MYBPC1: variants seen among roughly 807,000 people sequenced by gnomAD.
The protein encoded by MYBPC1 is myosin-binding protein C, slow-type.
In MYBPC1, 52 loss-of-function variants were observed where a neutral mutation model predicts 147.1. The ratio of observed to expected loss-of-function variants is 0.35; its 90% CI spans 0.28 to 0.45. The LOEUF (loss-of-function observed/expected upper bound fraction) is 0.45, where lower values mean the gene tolerates loss of function less well. Ranked by LOEUF, MYBPC1 falls within the 20% of genes least tolerant of loss-of-function variation. The probability of loss-of-function intolerance (pLI) is 1.00; values close to 1 mark genes in which losing one functional copy is unlikely to be tolerated. For synonymous variants in MYBPC1, 477 were observed against 475.9 expected, an observed-to-expected ratio of 1.00 and a Z score of -0.03; for missense variants, 1,228 against 1,440.3, an observed-to-expected ratio of 0.85 and a Z score of 2.39.
In MYBPC1 at chr12:101,661,912, A is replaced by AAG. The variant is rs1555247200; in HGVS notation, c.2033-445_2033-444insGA. 1.1e-3 allele frequency among the ~76,000 whole-genome samples: 54 copies of AAG among 48,274 alleles called. 1 individual carries two copies. Among genetic ancestry groups the AAG allele is most frequent in the Middle Eastern group, 9.8e-3 (1 of 102 alleles). 31.7% of individuals were successfully genotyped at this position (48,274 alleles called of 152,430 possible). ...ACTCTGTCTCAAAAAAAAAAAAAAA[A>AAG]AAAGAAAGAAAAAATATTTAAATGC... is the stretch of plus-strand genomic sequence containing the variant. On this transcript the variant is annotated intron_variant, in intron 20 of 31. Coordinates refer to ENST00000361466, the MANE Select transcript of MYBPC1 (RefSeq NM_002465.4).
chr12:101,659,350 G>A (rs1031369530), intron 18 of MYBPC1, among the ~76,000 whole-genome samples: 4 of 152,188 alleles, frequency 2.6e-5, no homozygotes, highest in Admixed American at 2.6e-4. Context: ...TCTTGGGAAA[G>A]TTGGTGGCTA....
chr12:101,677,295 A>T lies in MYBPC1; in HGVS notation c.3010A>T (p.Ile1004Leu), dbSNP rs771204177. The change falls in exon 27 of 32, where the codon ATA (isoleucine) becomes TTA (leucine). Residue 1004 changes from isoleucine to leucine, a missense_variant. Physicochemically the swap from Ile to Leu is conservative, Grantham distance 5. This residue lies in a region of MYBPC1 where 1,077 missense variants were observed against 1,314.2 expected (regional missense o/e 0.82). Transcript: ENST00000361466. ...CAGTGCCACCATTACTGAATTGGTC[A>T]TAGGGAATGAATATTACTTCCGGGT... ...RTSATITELVIGNEYYFRVFS... is the reference protein window; with the variant it reads ...RTSATITELVLGNEYYFRVFS... The T allele has an allele frequency of 1.7e-5, 28 of 1,613,718 alleles. No homozygotes were observed. The highest frequency in any genetic ancestry group is 8.3e-5 in the Admixed American group (5 of 59,978).
At chr12:101,595,243 C>A in intron 1 of MYBPC1, 148 bp downstream of exon 1, 3 of 768,164 alleles carry the variant, frequency 3.9e-6, no homozygotes, top group Non-Finnish European at 6.4e-6. Flanking sequence ...ATTAAACAGA[C>A]CAGAGGAAAA....
At position 101,631,718 on chromosome 12, in the gene MYBPC1, G is replaced by T; in HGVS notation, c.437G>T (p.Arg146Leu). Residue 146 changes from arginine to leucine, a missense_variant and splice_region_variant, in exon 7 of 32, where the codon CGG (arginine) becomes CTG (leucine). Arg to Leu is a moderately radical substitution (Grantham distance 102, BLOSUM62 -2). Around this residue, in one of 2 missense-constraint regions of MYBPC1, gnomAD observed 1,077 missense variants for 1,314.2 expected, o/e 0.82. Transcript: ENST00000361466. ...QLKETFERHS[R>L]VYTFEMQIIK... ...AAGGAAACCTTTGAGAGGCACAGTC[G>T]GGTAAGGCCCTGAACTCCCAGGACA... is the stretch of plus-strand genomic sequence containing the variant. 6.2e-7 allele frequency: 1 copy of T among 1,614,050 alleles called. No homozygotes were observed. The highest frequency in any genetic ancestry group is 1.1e-5 in the South Asian group (1 of 91,016).
At chr12:101,661,036 T>C (rs1490673648) in intron 19 of MYBPC1, 122 bp from the exon 20 acceptor site, 1 of 664,136 alleles carries the variant, frequency 1.5e-6, no homozygotes, top group Non-Finnish European at 2.6e-6. Context: ...TCAGTAAACA[T>C]GGGAAAGTAC....
chr12:101,607,170 A>C (rs1422648193), intron 1 of MYBPC1, among the ~76,000 whole-genome samples: 2 of 152,136 alleles, frequency 1.3e-5, no homozygotes, highest in African/African-American at 2.4e-5. Flanking sequence ...AGCATTATGA[A>C]TGTCCCCATG....
At chr12:101,602,669 A>G (rs542135917) in intron 1 of MYBPC1, among the ~76,000 whole-genome samples, 12 of 152,336 alleles carry the variant, frequency 7.9e-5, no homozygotes, top group African/African-American at 2.9e-4. Context: ...TAAGGGATGT[A>G]ACAACCACTG....
In MYBPC1 at chr12:101,677,263, A is replaced by G. The variant is rs1396157830; in HGVS notation, c.2978A>G (p.His993Arg). 6.2e-7 allele frequency: 1 copy of G among 1,613,782 alleles called. No individual in the cohort carries two copies. The highest frequency in any genetic ancestry group is 1.1e-5 in the South Asian group (1 of 91,080). The part of the protein sequence containing the change: ...MEWFTVIEHY[H>R]RTSATITELV... ...TGGTTTACTGTCATTGAGCATTATC[A>G]TCGAACCAGTGCCACCATTACTGAA... is the stretch of plus-strand genomic sequence containing the variant. The change falls in exon 27 of 32, where the codon CAT becomes CGT. Residue 993 changes from histidine to arginine, a missense_variant. Around this residue, in one of 2 missense-constraint regions of MYBPC1, gnomAD observed 1,077 missense variants for 1,314.2 expected, o/e 0.82. Transcript: ENST00000361466.
chr12:101,672,960 G>T (rs548747807), intron 24 of MYBPC1, among the ~76,000 whole-genome samples: 2 of 152,138 alleles, frequency 1.3e-5, no homozygotes, highest in Non-Finnish European at 2.9e-5. Context: ...CATTATTCCC[G>T]TTGAGGCACA....
intron 30 of MYBPC1, among the ~76,000 whole-genome samples, chr12:101,683,411 A>G (rs573405563): frequency 6.6e-6 from 1 of 152,264 alleles, no homozygotes; most frequent in East Asian, 1.9e-4. Context: ...ACAAAGTGAG[A>G]CTTTGTCTCA....
At chr12:101,626,620 G>T (rs973249415) in intron 3 of MYBPC1, among the ~76,000 whole-genome samples, 2 of 152,110 alleles carry the variant, frequency 1.3e-5, no homozygotes, top group African/African-American at 4.8e-5. Flanking sequence ...TAAAAAATTT[G>T]CAGTGTTCCA....
At chr12:101,677,591 C>A (rs1004830524) in intron 27 of MYBPC1, among the ~76,000 whole-genome samples, 197 bp downstream of exon 27, 2 of 152,088 alleles carry the variant, frequency 1.3e-5, no homozygotes, top group Admixed American at 1.3e-4. Context: ...GCATTTTTTA[C>A]AAATATAGGC....
At chr12:101,614,128 G>A (rs1885198962) in intron 1 of MYBPC1, among the ~76,000 whole-genome samples, 1 of 152,114 alleles carries the variant, frequency 6.6e-6, no homozygotes, top group Non-Finnish European at 1.5e-5. Context: ...CTAGAGGCAG[G>A]AAAACAGGCT....
intron 22 of MYBPC1, 130 bp downstream of exon 22, chr12:101,663,690 C>T: frequency 1.9e-6 from 2 of 1,076,032 alleles, no homozygotes; most frequent in Non-Finnish European, 2.8e-6. Context: ...CAAACGTCAT[C>T]CTTCTGAGAT....
At chr12:101,687,967 T>C (rs1951375756), downstream of MYBPC1, among the ~76,000 whole-genome samples, 1 of 152,190 alleles carries the variant, frequency 6.6e-6, no homozygotes, top group East Asian at 1.9e-4. Context: ...AAAGTTCTAA[T>C]AAGGAAGAAA....
chr12:101,689,222 TA>T (rs1263078269), downstream of MYBPC1, among the ~76,000 whole-genome samples: 2 of 152,186 alleles, frequency 1.3e-5, no homozygotes, highest in African/African-American at 4.8e-5. Context: ...CTCCACTAGC[TA>T]GGGAGATTGA....
At chr12:101,634,122 G>T (rs1246063819) in intron 8 of MYBPC1, among the ~76,000 whole-genome samples, 1 of 151,964 alleles carries the variant, frequency 6.6e-6, no homozygotes. Flanking sequence ...GGCTGGTCGC[G>T]ATCTCCTGAT....
chr12:101,619,468 G>A (rs976995875), intron 3 of MYBPC1, among the ~76,000 whole-genome samples: 2 of 152,230 alleles, frequency 1.3e-5, no homozygotes, highest in Non-Finnish European at 2.9e-5. Flanking sequence ...CTGGCAGAGA[G>A]CTGCACATAG....
chr12:101,670,485 A>G (rs1242812265), intron 24 of MYBPC1, 76 bp downstream of exon 24: 2 of 1,198,772 alleles, frequency 1.7e-6, no homozygotes, highest in African/African-American at 1.5e-5. Context: ...GTACTCTAGC[A>G]TTTAAGTTCA....
Sources: allele counts gnomAD v4.1 joint callset (sites outside exome capture counted in the v4.1 genomes callset), GRCh38; gene constraint gnomAD v4.1.1; regional missense constraint gnomAD v4.1.1; transcripts MANE v1.5; gene names NCBI Gene and HGNC (gene_info 2026-07-23, HGNC 2026-07-21).